Variants in NAT1 observed in about 807,000 individuals in gnomAD.
NAT1 encodes the protein N-acetyltransferase 1.
For synonymous variants in NAT1, 144 were observed against 122.6 expected, an observed-to-expected ratio of 1.17 and a Z score of -1.16; for missense variants, 400 against 339.2, an observed-to-expected ratio of 1.18 and a Z score of -1.41.
chr8:18,208,353 A>G (rs901154903), upstream of NAT1, among the ~76,000 whole-genome samples: 5 of 152,196 alleles, frequency 3.3e-5, no homozygotes, highest in African/African-American at 1.2e-4. Context: ...AATTTTTTCT[A>G]TTTGCCGATG....
chr8:18,215,247 T>C (rs899230146), intron 1 of NAT1, among the ~76,000 whole-genome samples: 3 of 152,270 alleles, frequency 2.0e-5, no homozygotes, highest in Non-Finnish European at 4.4e-5. Flanking sequence ...TTTGCTATTG[T>C]GAATAGTGCC....
intron 2 of NAT1, among the ~76,000 whole-genome samples, chr8:18,181,808 G>A (rs562890850): frequency 7.9e-5 from 12 of 152,140 alleles, no homozygotes; most frequent in Non-Finnish European, 1.8e-4. Context: ...TTTATGAAAT[G>A]TTTCCGCTTC....
At chr8:18,184,667 C>T (rs1192507758) in intron 2 of NAT1, among the ~76,000 whole-genome samples, 1 of 152,164 alleles carries the variant, frequency 6.6e-6, no homozygotes, top group Non-Finnish European at 1.5e-5. Flanking sequence ...AACAATCTCC[C>T]ATCCAACAGT....
chr8:18,213,440 C>A (rs1376743059), intron 1 of NAT1, among the ~76,000 whole-genome samples: 1 of 152,112 alleles, frequency 6.6e-6, no homozygotes, highest in Admixed American at 6.6e-5. Flanking sequence ...TGGGTGACTC[C>A]TGTGGTTTCA....
intron 2 of NAT1, among the ~76,000 whole-genome samples, chr8:18,194,316 AG>A (rs1319985879): frequency 1.3e-5 from 2 of 152,196 alleles, no homozygotes; most frequent in Admixed American, 1.3e-4. Context: ...GAGGTGGCAT[AG>A]CCTCAGTGAT....
chr8:18,182,463 T>G (rs1305752533), intron 2 of NAT1, among the ~76,000 whole-genome samples: 1 of 152,184 alleles, frequency 6.6e-6, no homozygotes, highest in Non-Finnish European at 1.5e-5. Flanking sequence ...TACTTTTAGG[T>G]CTACAATCCA....
At chr8:18,216,244 C>T (rs1226065954) in intron 1 of NAT1, among the ~76,000 whole-genome samples, 2 of 152,218 alleles carry the variant, frequency 1.3e-5, no homozygotes, top group East Asian at 3.9e-4. Flanking sequence ...AATTGCCAAA[C>T]GTTTTGGTTT....
chr8:18,217,404 C>T (rs989549397), intron 1 of NAT1, among the ~76,000 whole-genome samples: 1 of 152,238 alleles, frequency 6.6e-6, no homozygotes, highest in Non-Finnish European at 1.5e-5. Flanking sequence ...CCCTTGCTGG[C>T]TGAGTAAATG....
At chr8:18,186,474 T>TGAAAGTAAAACAACTTGA (rs1802740021) in intron 2 of NAT1, among the ~76,000 whole-genome samples, 1 of 152,128 alleles carries the variant, frequency 6.6e-6, no homozygotes, top group African/African-American at 2.4e-5. Context: ...TGTTTTCTTG[T>TGAAAGTAAAACAACTTGA]GTTTAATATC....
intron 2 of NAT1, among the ~76,000 whole-genome samples, chr8:18,185,914 G>A (rs73666895): frequency 6.6e-6 from 1 of 152,024 alleles, no homozygotes; most frequent in Non-Finnish European, 1.5e-5. Context: ...CCTTGGCTTA[G>A]TTATAAGTGT....
chr8:18,204,527 G>C (rs1429440449), intron 2 of NAT1, among the ~76,000 whole-genome samples: 1 of 150,938 alleles, frequency 6.6e-6, no homozygotes, highest in Non-Finnish European at 1.5e-5. Context: ...ATAAGTTTAA[G>C]TTTATATACT....
chr8:18,199,557 C>T (rs149821234), intron 2 of NAT1, among the ~76,000 whole-genome samples: 2 of 152,158 alleles, frequency 1.3e-5, no homozygotes, highest in East Asian at 3.9e-4. Flanking sequence ...TGCGGAGTTC[C>T]AAGAATCATT....
At chr8:18,218,199 C>T (rs1219841237) in intron 1 of NAT1, among the ~76,000 whole-genome samples, 1 of 152,162 alleles carries the variant, frequency 6.6e-6, no homozygotes, top group East Asian at 1.9e-4. Context: ...TGTTTCAACA[C>T]TACTAGTACT....
intron 2 of NAT1, among the ~76,000 whole-genome samples, chr8:18,195,290 A>G (rs976638795): frequency 1.3e-5 from 2 of 152,226 alleles, no homozygotes; most frequent in Admixed American, 1.3e-4. Context: ...TGAAGGAGGT[A>G]GAGGTCAAAA....
At chr8:18,192,520 G>A in intron 2 of NAT1, among the ~76,000 whole-genome samples, 2 of 152,170 alleles carry the variant, frequency 1.3e-5, no homozygotes. Flanking sequence ...AAATCATGCT[G>A]CTATAAAGAC....
At chr8:18,203,727 G>A (rs543426846) in intron 2 of NAT1, among the ~76,000 whole-genome samples, 31 of 152,268 alleles carry the variant, frequency 2.0e-4, no homozygotes, top group Admixed American at 9.8e-4. Flanking sequence ...CTTTATAGCC[G>A]TCCTTGTGAT....
intron 2 of NAT1, among the ~76,000 whole-genome samples, chr8:18,203,791 G>C (rs1290422467): frequency 6.6e-6 from 1 of 152,146 alleles, no homozygotes; most frequent in Non-Finnish European, 1.5e-5. Flanking sequence ...GGGAGTCCTA[G>C]GTAAGGATTT....
At chr8:18,221,622 C>G (rs1043123392) in intron 2 of NAT1, among the ~76,000 whole-genome samples, 4 of 152,094 alleles carry the variant, frequency 2.6e-5, no homozygotes, top group African/African-American at 9.7e-5. Flanking sequence ...GTATAAGGCT[C>G]AGCTAAAAGG....
At chr8:18,210,733 G>A (rs569317211) in intron 1 of NAT1, among the ~76,000 whole-genome samples, 1 of 152,318 alleles carries the variant, frequency 6.6e-6, no homozygotes, top group South Asian at 2.1e-4. Flanking sequence ...TGTCCAGGAA[G>A]ATTGAATTCT....
Sources: allele counts gnomAD v4.1 joint callset (sites outside exome capture counted in the v4.1 genomes callset), GRCh38; gene constraint gnomAD v4.1.1; transcripts MANE v1.5; gene names NCBI Gene and HGNC (gene_info 2026-07-23, HGNC 2026-07-21).